Variants in TGFA observed in about 807,000 individuals in gnomAD.
TGFA encodes the protein protransforming growth factor alpha.
A neutral mutation model predicts 21.7 loss-of-function variants in TGFA; 12 were observed. The observed-to-expected ratio is 0.55, with a 90% CI of 0.35 to 0.90. The LOEUF (loss-of-function observed/expected upper bound fraction) is 0.90, where lower values mean the gene tolerates loss of function less well. Ranked by LOEUF, TGFA falls within the 40% of genes least tolerant of loss-of-function variation. The pLI is 0.01. For synonymous variants in TGFA, 79 were observed against 88.1 expected, an observed-to-expected ratio of 0.90 and a Z score of 0.58; for missense variants, 178 against 210.8, an observed-to-expected ratio of 0.84 and a Z score of 0.96.
chr2:70,462,192 C>G (rs1427682874), intron 3 of TGFA, among the ~76,000 whole-genome samples: 1 of 152,186 alleles, frequency 6.6e-6, no homozygotes, highest in African/African-American at 2.4e-5. Flanking sequence ...ACAGAGTGTT[C>G]TACTTTCTCT....
At position 70,464,695 on chromosome 2, in the gene TGFA, T is replaced by C. The variant is rs573562971; in HGVS notation, c.215+921A>G. ...TTCTATTATAGACAGACTGATTGTC[T>C]TTAAATATGTCTTTCTGAAACCCAC... On this transcript the variant is annotated intron_variant, in intron 3 of 5. Transcript: ENST00000295400. 8.6e-4 allele frequency among the ~76,000 whole-genome samples: 131 copies of C among 152,320 alleles called. 1 individual carries two copies. Among genetic ancestry groups the C allele is most frequent in the Non-Finnish European group, 1.7e-3 (113 of 68,034 alleles).
chr2:70,447,510 G>T lies in TGFA; in HGVS notation c.*3349C>A, dbSNP rs1324690466. On this transcript the variant is annotated 3_prime_UTR_variant, in exon 6 of 6. Coordinates refer to ENST00000295400, the MANE Select transcript of TGFA (RefSeq NM_003236.4). ...AAAACATTAAATATTAACCTTTTCA[G>T]TGCAACATATACAGACATCAGAGTA... 1 of 152,412 alleles carries T rather than the reference G, an allele frequency of 6.6e-6. No homozygotes were observed. The highest frequency in any genetic ancestry group is 1.5e-5 in the Non-Finnish European group (1 of 67,994). 9.4% of individuals were successfully genotyped at this position (152,412 alleles called of 1,614,324 possible). A position where few individuals can be genotyped will look rare whatever the true frequency, so the allele number is the denominator to read the frequency against.
At chr2:70,530,461 C>G (rs1672781655) in intron 1 of TGFA, among the ~76,000 whole-genome samples, 1 of 152,188 alleles carries the variant, frequency 6.6e-6, no homozygotes, top group African/African-American at 2.4e-5. Context: ...AATAAGAACA[C>G]ACATAAAATA....
intron 2 of TGFA, among the ~76,000 whole-genome samples, chr2:70,475,288 T>C (rs1670888445): frequency 6.6e-6 from 1 of 152,210 alleles, no homozygotes. Flanking sequence ...CTACTGCAAG[T>C]GCTATGCCCA....
intron 2 of TGFA, among the ~76,000 whole-genome samples, chr2:70,474,717 T>C (rs1574083205): frequency 6.6e-6 from 1 of 152,356 alleles, no homozygotes; most frequent in Non-Finnish European, 1.5e-5. Flanking sequence ...CACAGTGCTC[T>C]TGTCCAGGAG....
intron 3 of TGFA, among the ~76,000 whole-genome samples, chr2:70,461,306 C>CA (rs1449914057): frequency 1.3e-5 from 2 of 152,192 alleles, no homozygotes; most frequent in African/African-American, 4.8e-5. Context: ...ACCCTACCCC[C>CA]ACCACCTGCT....
intron 1 of TGFA, among the ~76,000 whole-genome samples, chr2:70,548,756 A>T (rs1673393514): frequency 6.6e-6 from 1 of 152,142 alleles, no homozygotes; most frequent in Non-Finnish European, 1.5e-5. Flanking sequence ...CTTAAGTCAT[A>T]CTCAGTACAA....
At chr2:70,546,306 T>A (rs894426418) in intron 1 of TGFA, among the ~76,000 whole-genome samples, 9 of 152,132 alleles carry the variant, frequency 5.9e-5, no homozygotes, top group Admixed American at 2.6e-4. Flanking sequence ...TACTTTTTTT[T>A]ATTTTTAATG....
intron 1 of TGFA, among the ~76,000 whole-genome samples, chr2:70,541,544 T>C (rs782392572): frequency 1.1e-4 from 16 of 152,300 alleles, no homozygotes; most frequent in Non-Finnish European, 1.5e-4. Flanking sequence ...GGGAAAACAA[T>C]GTGCAGGATT....
chr2:70,473,110 C>A (rs915147268), intron 2 of TGFA, among the ~76,000 whole-genome samples: 3 of 152,134 alleles, frequency 2.0e-5, no homozygotes, highest in Admixed American at 2.0e-4. Context: ...ACCCTGAGGC[C>A]AGGCTGGAGT....
At chr2:70,469,628 C>T (rs1254784439) in intron 2 of TGFA, among the ~76,000 whole-genome samples, 1 of 152,200 alleles carries the variant, frequency 6.6e-6, no homozygotes, top group Non-Finnish European at 1.5e-5. Flanking sequence ...CGAGCCGCCA[C>T]GTCTGGCCCC....
At chr2:70,546,414 G>C (rs1673305125) in intron 1 of TGFA, among the ~76,000 whole-genome samples, 1 of 152,138 alleles carries the variant, frequency 6.6e-6, no homozygotes, top group South Asian at 2.1e-4. Flanking sequence ...TTGTTACCCA[G>C]ATAGTAAGAA....
chr2:70,541,120 A>G (rs1403301876), intron 1 of TGFA, among the ~76,000 whole-genome samples: 3 of 152,222 alleles, frequency 2.0e-5, no homozygotes, highest in Non-Finnish European at 2.9e-5. Context: ...TCATCCATAG[A>G]AAATAATTTT....
chr2:70,453,234 G>A lies in TGFA; in HGVS notation c.459C>T (p.Cys153=), dbSNP rs199594512. Residue 153 remains cysteine (C), a synonymous_variant, in exon 5 of 6, where the codon TGC becomes TGT. Transcript: ENST00000295400. ...TCTCCTTACCTGTTTCTGAGTGGCA[G>A]CAAGCGGTTCTTCCCTTCAGGAGGG... ...PSALLKGRTA[C]CHSETVV is the part of the protein sequence containing the mutation. 1.9e-5 allele frequency: 30 copies of A among 1,613,856 alleles called. No individual in the cohort carries two copies. The highest frequency in any genetic ancestry group is 2.5e-5 in the Non-Finnish European group (29 of 1,179,734).
intron 2 of TGFA, among the ~76,000 whole-genome samples, chr2:70,512,415 C>T (rs543408548): frequency 6.6e-6 from 1 of 152,308 alleles, no homozygotes; most frequent in African/African-American, 2.4e-5. Flanking sequence ...GCTCTCTGGA[C>T]TTTAGAAGGT....
At chr2:70,486,192 G>A (rs1280895091) in intron 2 of TGFA, among the ~76,000 whole-genome samples, 1 of 152,110 alleles carries the variant, frequency 6.6e-6, no homozygotes, top group African/African-American at 2.4e-5. Flanking sequence ...CAGCCAATAT[G>A]GCAAAAATGA....
chr2:70,543,042 G>T (rs1553505377), intron 1 of TGFA, among the ~76,000 whole-genome samples: 2 of 152,048 alleles, frequency 1.3e-5, no homozygotes, highest in African/African-American at 2.4e-5. Context: ...GGTGGAGGTT[G>T]CAGTGAGCCA....
At chr2:70,516,448 C>T (rs1672281016) in intron 1 of TGFA, among the ~76,000 whole-genome samples, 1 of 152,210 alleles carries the variant, frequency 6.6e-6, no homozygotes, top group African/African-American at 2.4e-5. Context: ...ATAAGAACTT[C>T]AGACTGCTTT....
intron 3 of TGFA, among the ~76,000 whole-genome samples, chr2:70,464,996 C>T (rs11126272): frequency 0.13 from 19,648 of 152,226 alleles, 1,503 homozygotes; most frequent in Admixed American, 0.26. Flanking sequence ...ATTCCCAGGT[C>T]CCACTCCTGG....
Sources: allele counts gnomAD v4.1 joint callset (sites outside exome capture counted in the v4.1 genomes callset), GRCh38; gene constraint gnomAD v4.1.1; transcripts MANE v1.5; gene names NCBI Gene and HGNC (gene_info 2026-07-23, HGNC 2026-07-21).